Variants in FAF1 observed in about 807,000 individuals in gnomAD.
The protein encoded by FAF1 is Fas associated factor 1.
Under a neutral mutation model 92.5 loss-of-function variants are expected in FAF1, and 25 were observed. The ratio of observed to expected loss-of-function variants is 0.27; its 90% CI spans 0.20 to 0.38. FAF1 has a LOEUF of 0.38. Ranked by LOEUF, FAF1 falls within the 10% of genes least tolerant of loss-of-function variation. The pLI is 1.00. For missense variants in FAF1, 636 were observed against 793.3 expected, an observed-to-expected ratio of 0.80 and a Z score of 2.38; for synonymous variants, 234 against 273.2, an observed-to-expected ratio of 0.86 and a Z score of 1.42.
intron 8 of FAF1, among the ~76,000 whole-genome samples, chr1:50,599,670 A>T (rs1370544414): frequency 6.6e-6 from 1 of 152,212 alleles, no homozygotes; most frequent in African/African-American, 2.4e-5. Flanking sequence ...GTATGTATAA[A>T]GGACTTCTAC....
At chr1:50,760,274 T>C (rs1660270501) in intron 4 of FAF1, among the ~76,000 whole-genome samples, 1 of 152,030 alleles carries the variant, frequency 6.6e-6, no homozygotes, top group South Asian at 2.1e-4. Context: ...ATTAGACAGA[T>C]CAACGAGACA....
intron 8 of FAF1, among the ~76,000 whole-genome samples, chr1:50,630,905 G>A (rs1338693087): frequency 1.4e-5 from 2 of 138,516 alleles, no homozygotes; most frequent in African/African-American, 5.5e-5. Context: ...CCCGGTTCAA[G>A]CAATTCTCTG....
At chr1:50,617,216 C>A (rs1280672258) in intron 8 of FAF1, among the ~76,000 whole-genome samples, 1 of 152,102 alleles carries the variant, frequency 6.6e-6, no homozygotes. Context: ...TTGTATTGTT[C>A]CAGTTCTCAA....
Position 50,838,099 on chromosome 1 carries a change from T to TA in FAF1, c.114+19829dup, listed in dbSNP as rs893390089. The stretch of plus-strand genomic sequence containing the variant: ...AACATAAAGCACCTCTATCATCCCT[T>TA]AAAAAAAAATCAAATCATAAAGGCA... On this transcript the variant is annotated intron_variant, in intron 2 of 18. Transcript: ENST00000396153. Among the ~76,000 whole-genome samples the TA allele has an allele frequency of 1.2e-4, 18 of 151,122 alleles. No homozygotes were observed. The East Asian group carries it at 1.4e-3, about 11-fold the overall frequency.
intron 8 of FAF1, among the ~76,000 whole-genome samples, chr1:50,610,632 C>T (rs990581750): frequency 1.3e-5 from 2 of 152,048 alleles, no homozygotes; most frequent in African/African-American, 4.8e-5. Flanking sequence ...TATTTTATCT[C>T]CCCACAAAGT....
intron 1 of FAF1, among the ~76,000 whole-genome samples, chr1:50,920,499 C>G (rs1182633582): frequency 6.6e-6 from 1 of 152,058 alleles, no homozygotes; most frequent in Non-Finnish European, 1.5e-5. Context: ...GGCCAATTTT[C>G]CTCATGAACA....
intron 1 of FAF1, among the ~76,000 whole-genome samples, chr1:50,898,184 T>C (rs1644770912): frequency 6.6e-6 from 1 of 152,218 alleles, no homozygotes; most frequent in East Asian, 1.9e-4. Context: ...TGCATTCCTG[T>C]AGTCCCAGCT....
At chr1:50,798,690 A>G (rs1460163709) in intron 3 of FAF1, among the ~76,000 whole-genome samples, 1 of 152,236 alleles carries the variant, frequency 6.6e-6, no homozygotes, top group Admixed American at 6.5e-5. Context: ...GACTCCATCA[A>G]CATCAGGCTG....
chr1:50,515,171 A>G (rs1225193611), intron 15 of FAF1, among the ~76,000 whole-genome samples: 1 of 152,158 alleles, frequency 6.6e-6, no homozygotes, highest in Non-Finnish European at 1.5e-5. Flanking sequence ...AAGGAAGTCA[A>G]TATATAGGAG....
intron 1 of FAF1, among the ~76,000 whole-genome samples, chr1:50,933,434 A>G (rs946026029): frequency 6.6e-6 from 1 of 152,200 alleles, no homozygotes; most frequent in Non-Finnish European, 1.5e-5. Context: ...AAACATAACA[A>G]GAGTCACCTT....
At chr1:50,859,779 C>A (rs1644418044) in intron 1 of FAF1, among the ~76,000 whole-genome samples, 1 of 151,746 alleles carries the variant, frequency 6.6e-6, no homozygotes, top group Admixed American at 6.6e-5. Flanking sequence ...AAAAAGAGCC[C>A]AAATAGCCAA....
chr1:50,891,955 G>C (rs936854404), intron 1 of FAF1, among the ~76,000 whole-genome samples: 1 of 152,226 alleles, frequency 6.6e-6, no homozygotes, highest in Admixed American at 6.5e-5. Flanking sequence ...TGTCCCCAGA[G>C]GTGGAGTCTA....
chr1:50,890,421 T>C (rs973599574), intron 1 of FAF1, among the ~76,000 whole-genome samples: 4 of 152,332 alleles, frequency 2.6e-5, no homozygotes, highest in Admixed American at 2.6e-4. Flanking sequence ...TAGCTGGTGA[T>C]TTTGCTCGTT....
chr1:50,596,646 T>C (rs1372896357), intron 8 of FAF1, among the ~76,000 whole-genome samples: 1 of 152,198 alleles, frequency 6.6e-6, no homozygotes, highest in African/African-American at 2.4e-5. Flanking sequence ...ATCAGAAATA[T>C]ACAAAAATCT....
intron 1 of FAF1, among the ~76,000 whole-genome samples, chr1:50,896,042 C>A (rs917544623): frequency 1.3e-5 from 2 of 152,122 alleles, no homozygotes; most frequent in Admixed American, 1.3e-4. Flanking sequence ...GAAGTACTAG[C>A]TAGAGCAATC....
Position 50,717,034 on chromosome 1 carries a change from C to T in FAF1, c.552-11143G>A, listed in dbSNP as rs998425409. On this transcript the variant is annotated intron_variant, in intron 6 of 18. Coordinates refer to ENST00000396153, the MANE Select transcript of FAF1 (RefSeq NM_007051.3). Reference sequence around the variant, plus strand: ...CCAACCCACCAGAAGGAAGAAATTCCGTACACATCTGAAGGAACAAACTCT... The same window carrying T: ...CCAACCCACCAGAAGGAAGAAATTCTGTACACATCTGAAGGAACAAACTCT... 3.9e-5 allele frequency among the ~76,000 whole-genome samples: 6 copies of T among 152,154 alleles called. No homozygotes were observed. In the South Asian group the frequency reaches 6.2e-4, roughly 16 times the overall value.
chr1:50,957,374 CAG>C (rs1313704541), intron 1 of FAF1, among the ~76,000 whole-genome samples: 1 of 52,128 alleles, frequency 1.9e-5, no homozygotes, highest in Admixed American at 2.4e-4. Flanking sequence ...TTTTTTGAGA[CAG>C]AGTCTCGCTC....
intron 15 of FAF1, among the ~76,000 whole-genome samples, chr1:50,515,401 T>A (rs2149026478): frequency 6.6e-6 from 1 of 152,256 alleles, no homozygotes; most frequent in Admixed American, 6.5e-5. Flanking sequence ...AATTTTAAGA[T>A]ACATAGAAAT....
chr1:50,458,977 CTTTTTTTTTTT>C lies in FAF1; in HGVS notation c.1869+16476_1869+16486del, dbSNP rs369055144. On this transcript the variant is annotated intron_variant, in intron 18 of 18. Transcript: ENST00000396153. ...TCCCCTGCCCTGCCCTTTTTTTTTT[CTTTTTTTTTTT>C]TGAGACAGAGTCTTGTTCTGTCACC... 6.5e-5 allele frequency among the ~76,000 whole-genome samples: 9 copies of C among 138,440 alleles called. No individual in the cohort carries two copies. The South Asian group carries it at 2.1e-3, about 32-fold the overall frequency. 90.8% of individuals were successfully genotyped at this position (138,440 alleles called of 152,430 possible).
Sources: allele counts gnomAD v4.1 joint callset (sites outside exome capture counted in the v4.1 genomes callset), GRCh38; gene constraint gnomAD v4.1.1; transcripts MANE v1.5; gene names NCBI Gene and HGNC (gene_info 2026-07-23, HGNC 2026-07-21).